The following ATP13A3 variants were observed in gnomAD, a reference collection of about 807,000 sequenced individuals.
ATP13A3 encodes the protein ATPase 13A3, also known as polyamine-transporting ATPase 13A3.
Under a neutral mutation model 158.1 loss-of-function variants are expected in ATP13A3, and 59 were observed. The ratio of observed to expected loss-of-function variants is 0.37; its 90% confidence interval spans 0.30 to 0.46. The LOEUF is 0.46. Among genes scored for constraint, ATP13A3 ranks in the 20% least tolerant of loss-of-function variants. The pLI, the probability that ATP13A3 is intolerant of heterozygous loss-of-function variation, is 1.00. For synonymous variants in ATP13A3, 491 were observed against 504.3 expected (o/e 0.97, Z 0.35); for missense variants, 1,166 against 1,525.2 (o/e 0.76, Z 3.92).
chr3:194,420,646 G>A (rs1485409496), intron 30 of ATP13A3, among the ~76,000 whole-genome samples: 1 of 152,038 alleles, frequency 6.6e-6, no homozygotes, highest in Non-Finnish European at 1.5e-5. Flanking sequence ...AATCCACCCA[G>A]CAGTACTTTG....
chr3:194,433,405 G>A (rs572690921), intron 21 of ATP13A3, among the ~76,000 whole-genome samples: 130 of 151,880 alleles, frequency 8.6e-4, no homozygotes, highest in Non-Finnish European at 1.4e-3. Context: ...CACCGCTCCC[G>A]GCTAATTTTT....
chr3:194,493,562 G>A (rs186667836), intron 2 of ATP13A3, among the ~76,000 whole-genome samples: 310 of 152,158 alleles, frequency 2.0e-3, no homozygotes, highest in Non-Finnish European at 2.8e-3. Flanking sequence ...TGGGAGAATC[G>A]CATGAACCCG....
intron 3 of ATP13A3, among the ~76,000 whole-genome samples, chr3:194,461,079 T>C (rs1357668900): frequency 6.6e-6 from 1 of 152,236 alleles, no homozygotes; most frequent in Non-Finnish European, 1.5e-5. Context: ...TAATACGTTC[T>C]TTCCCACTGA....
chr3:194,449,514 C>T (rs1718655113), intron 11 of ATP13A3, among the ~76,000 whole-genome samples: 1 of 152,070 alleles, frequency 6.6e-6, no homozygotes, highest in Non-Finnish European at 1.5e-5. Flanking sequence ...GCCGTCTCTA[C>T]TAAGAATGCA....
Position 194,444,794 on chromosome 3 carries a change from A to C in ATP13A3, c.1498-8T>G. On this transcript the variant is annotated splice_region_variant and splice_polypyrimidine_tract_variant and intron_variant, in intron 14 of 33. Transcript: ENST00000645319. Reference sequence around the variant, plus strand: ...TTCAGTTAGAGTTCCAGTCTAAAAAACAAAAAAGCACACATGCACAAAGTA... The same window carrying C: ...TTCAGTTAGAGTTCCAGTCTAAAAACCAAAAAAGCACACATGCACAAAGTA... 6.3e-7 allele frequency: 1 copy of C among 1,589,080 alleles called. No individual in the cohort carries two copies. The highest frequency in any genetic ancestry group is 8.5e-7 in the Non-Finnish European group (1 of 1,173,292).
chr3:194,438,775 T>C, intron 17 of ATP13A3, 81 bp downstream of exon 17: 1 of 951,154 alleles, frequency 1.1e-6, no homozygotes, highest in South Asian at 2.0e-5. Flanking sequence ...CTTGTCTCTA[T>C]AAAAAATAAA....
rs35011462 is a variant in ATP13A3, at chr3:194,468,386, T to TAAAAAAAAAAAAAA, written c.-46-6164_-46-6151dup. The TAAAAAAAAAAAAAA allele has an allele frequency of 3.5e-3, 394 of 111,686 alleles. 9 individuals are homozygous for TAAAAAAAAAAAAAA. Among genetic ancestry groups the TAAAAAAAAAAAAAA allele is most frequent in the African/African-American group, 0.015 (383 of 25,266 alleles). The allele number at this position is 111,686 out of a possible 1,614,324, so 6.9% of individuals were successfully genotyped here. On this transcript the variant is annotated intron_variant, in intron 2 of 33. Transcript: ENST00000645319. ...ATAAACTTGATTTGCTGTGTGAGTT[T>TAAAAAAAAAAAAAA]AAAAAAAAAAAAAAAAAAACAGTAT...
chr3:194,471,510 C>G (rs572463937), intron 2 of ATP13A3, among the ~76,000 whole-genome samples: 4 of 152,022 alleles, frequency 2.6e-5, no homozygotes, highest in African/African-American at 9.7e-5. Flanking sequence ...TGTACCATCA[C>G]GCCCAGCAAA....
chr3:194,456,608 T>C (rs1298955664), intron 7 of ATP13A3, among the ~76,000 whole-genome samples: 2 of 152,138 alleles, frequency 1.3e-5, no homozygotes, highest in Non-Finnish European at 2.9e-5. Context: ...TACACTGGTG[T>C]ATTTTTATGA....
upstream of ATP13A3, chr3:194,487,057 G>A (rs111939715): frequency 6.6e-6 from 1 of 152,028 alleles, no homozygotes; most frequent in Non-Finnish European, 1.5e-5. Flanking sequence ...GAGGGCGGAG[G>A]GGCGCGGGCG....
At chr3:194,444,028 T>C (rs1718226518) in intron 15 of ATP13A3, among the ~76,000 whole-genome samples, 1 of 152,174 alleles carries the variant, frequency 6.6e-6, no homozygotes, top group Non-Finnish European at 1.5e-5. Context: ...AATACTCATA[T>C]CCATCCATCT....
chr3:194,425,232 C>T, intron 30 of ATP13A3, 110 bp downstream of exon 30: 1 of 1,028,582 alleles, frequency 9.7e-7, no homozygotes, highest in Non-Finnish European at 1.4e-6. Context: ...TAAGTTGATT[C>T]TATCTGTGAA....
chr3:194,468,146 T>A (rs1187675469), intron 2 of ATP13A3: 1 of 152,176 alleles, frequency 6.6e-6, no homozygotes, highest in Non-Finnish European at 1.5e-5. Context: ...GTATTAAAAT[T>A]TAGAATTTTG....
chr3:194,435,280 G>A (rs1416731900), intron 20 of ATP13A3, among the ~76,000 whole-genome samples: 1 of 152,212 alleles, frequency 6.6e-6, no homozygotes, highest in Non-Finnish European at 1.5e-5. Context: ...AAGACAATGT[G>A]TCAAAAGCAC....
intron 33 of ATP13A3, among the ~76,000 whole-genome samples, chr3:194,407,781 T>C (rs781636133): frequency 2.7e-5 from 4 of 150,918 alleles, no homozygotes; most frequent in Non-Finnish European, 4.4e-5. Context: ...AGCATCACCT[T>C]AAAAAAAAAG....
At chr3:194,453,664 G>A (rs1305856909) in intron 10 of ATP13A3, 42 bp downstream of exon 10, 1 of 1,490,710 alleles carries the variant, frequency 6.7e-7, no homozygotes, top group Non-Finnish European at 9.3e-7. Flanking sequence ...ATGCCTAACA[G>A]GTATCTTTTT....
chr3:194,472,131 A>G (rs879606184), intron 2 of ATP13A3: 5 of 153,430 alleles, frequency 3.3e-5, no homozygotes, highest in Admixed American at 6.5e-5. Flanking sequence ...TCAGTTCTTC[A>G]GTCTCCTTTT....
intron 11 of ATP13A3, 148 bp downstream of exon 11, chr3:194,449,997 G>C (rs576964678): frequency 1.3e-6 from 1 of 774,798 alleles, no homozygotes; most frequent in East Asian, 2.8e-5. Flanking sequence ...TGCAGAATTC[G>C]GTCTACTCAG....
intron 31 of ATP13A3, among the ~76,000 whole-genome samples, chr3:194,415,784 C>T (rs150517897): frequency 6.7e-6 from 1 of 149,076 alleles, no homozygotes; most frequent in East Asian, 2.0e-4. Context: ...ATTCTCCTTA[C>T]AATACCACAT....
Sources: allele counts gnomAD v4.1 joint callset (sites outside exome capture counted in the v4.1 genomes callset), GRCh38; gene constraint gnomAD v4.1.1; transcripts MANE v1.5; gene names NCBI Gene and HGNC (gene_info 2026-07-23, HGNC 2026-07-21).